The following PIGK variants were observed in gnomAD, a reference collection of about 807,000 sequenced individuals.
PIGK encodes the protein phosphatidylinositol glycan anchor biosynthesis class K.
A neutral mutation model predicts 50.6 loss-of-function variants in PIGK; 42 were observed. The ratio of observed to expected loss-of-function variants is 0.83; its 90% CI spans 0.65 to 1.07. The LOEUF (loss-of-function observed/expected upper bound fraction) is 1.07, where lower values mean the gene tolerates loss of function less well. Among genes scored for constraint, PIGK ranks in the 50% least tolerant of loss-of-function variants. The pLI is 0.00. For synonymous variants in PIGK, 151 were observed against 156.0 expected (o/e 0.97, Z 0.24); for missense variants, 448 against 488.7 (o/e 0.92, Z 0.78).
chr1:77,129,479 A>T, intron 9 of PIGK: 3 of 1,479,576 alleles, frequency 2.0e-6, no homozygotes, highest in Non-Finnish European at 2.8e-6. Context: ...TGAACAAAGC[A>T]CCTAAGATGC....
At chr1:77,150,111 T>C (rs565609481) in intron 9 of PIGK, among the ~76,000 whole-genome samples, 1 of 152,238 alleles carries the variant, frequency 6.6e-6, no homozygotes, top group South Asian at 2.1e-4. Flanking sequence ...GGAAAGTTTA[T>C]AGCAATAAAC....
At position 77,092,381 on chromosome 1, in the gene PIGK, A is replaced by G. The variant is rs1653320341; in HGVS notation, c.1181T>C (p.Ile394Thr). The change falls in exon 11 of 11, where the codon ATT becomes ACT. Residue 394 changes from isoleucine (I) to threonine (T), a missense_variant. Ile to Thr is a moderately conservative substitution (Grantham distance 89). Transcript: ENST00000370812. Reference protein sequence around the residue: ...KTYGIKHMKFIF With the variant: ...KTYGIKHMKFTF ...CTTCATTCATCATCAAGTCTAAAAA[A>G]TGAACTTCATATGCTTAATTCCATA... 1 of 1,489,074 alleles carries G rather than the reference A, an allele frequency of 6.7e-7. No homozygotes were observed. 92.2% of individuals were successfully genotyped at this position (1,489,074 alleles called of 1,614,324 possible).
intron 9 of PIGK, among the ~76,000 whole-genome samples, chr1:77,146,321 A>T (rs1454042385): frequency 1.3e-5 from 2 of 152,202 alleles, no homozygotes; most frequent in Non-Finnish European, 2.9e-5. Flanking sequence ...AAGAAAAAAT[A>T]AGTGGATTTC....
chr1:77,132,589 T>A (rs1654402139), intron 9 of PIGK, among the ~76,000 whole-genome samples: 3 of 151,646 alleles, frequency 2.0e-5, no homozygotes, highest in South Asian at 4.1e-4. Flanking sequence ...GATGGTGGGG[T>A]TTTTTGTCTG....
Position 77,198,865 on chromosome 1 carries a change from G to A in PIGK, c.239+7775C>T, listed in dbSNP as rs964316089. Among the ~76,000 whole-genome samples the A allele has an allele frequency of 3.3e-5, 5 of 151,994 alleles. No homozygotes were observed. In the East Asian group the frequency reaches 7.7e-4, roughly 23 times the overall value. On this transcript the variant is annotated intron_variant, in intron 3 of 10. Coordinates refer to ENST00000370812, the MANE Select transcript of PIGK (RefSeq NM_005482.3). ...GAATCCTAACAGGGATTAAGAACTT[G>A]ACAAACCAATTCCAAAATTAATATG...
In PIGK at chr1:77,116,562, C is replaced by CTGTGTGTG. The variant is rs763119489; in HGVS notation, c.1071+5705_1071+5712dup. On this transcript the variant is annotated intron_variant, in intron 10 of 10. Coordinates refer to ENST00000370812, the MANE Select transcript of PIGK (RefSeq NM_005482.3). ...CTAAACAAGCTGTTTAAATGTGTCTCTGTGTGTGTGTGTGTGTGTGTGTGT... is the reference window on the plus strand; with the variant it reads ...CTAAACAAGCTGTTTAAATGTGTCTCTGTGTGTGTGTGTGTGTGTGTGTGTGTGTGTGT... Among the ~76,000 whole-genome samples the CTGTGTGTG allele has an allele frequency of 3.8e-3, 511 of 135,076 alleles. 4 individuals are homozygous for CTGTGTGTG. The highest frequency in any genetic ancestry group is 0.014 in the African/African-American group (468 of 33,936). The allele number at this position is 135,076 out of a possible 152,430, so 88.6% of individuals were successfully genotyped here. A position where few individuals can be genotyped will look rare whatever the true frequency, so the allele number is the denominator to read the frequency against.
intron 9 of PIGK, among the ~76,000 whole-genome samples, chr1:77,140,380 C>G (rs1654623307): frequency 6.6e-6 from 1 of 151,868 alleles, no homozygotes; most frequent in African/African-American, 2.4e-5. Context: ...GTTCTCATTC[C>G]TATTCTCACC....
At position 77,154,415 on chromosome 1, in the gene PIGK, G is replaced by C. The variant is rs1553182833; in HGVS notation, c.986+34C>G. The C allele has an allele frequency of 3.4e-6, 5 of 1,482,418 alleles. No homozygotes were observed. The South Asian group carries it at 5.8e-5, about 17-fold the overall frequency. The allele number at this position is 1,482,418 out of a possible 1,614,324, so 91.8% of individuals were successfully genotyped here. ...AAAAAATGTACAAACTGTGAGACTA[G>C]TATTCTATTCAAATAATGGTTTAAG... is the stretch of plus-strand genomic sequence containing the variant. On this transcript the variant is annotated intron_variant, in intron 9 of 10. Transcript: ENST00000370812.
chr1:77,113,899 T>A (rs1292667012), intron 10 of PIGK, among the ~76,000 whole-genome samples: 1 of 152,130 alleles, frequency 6.6e-6, no homozygotes, highest in Non-Finnish European at 1.5e-5. Flanking sequence ...CATCTCTTCA[T>A]ATCTCTACAT....
chr1:77,195,413 T>G (rs767308945), intron 3 of PIGK: 372 of 1,071,024 alleles, frequency 3.5e-4, no homozygotes, highest in Non-Finnish European at 4.8e-4. Context: ...GAGCTTAGGG[T>G]GCTCACTTCC....
chr1:77,144,895 G>A (rs979075962), intron 9 of PIGK, among the ~76,000 whole-genome samples: 2 of 151,880 alleles, frequency 1.3e-5, no homozygotes, highest in Non-Finnish European at 2.9e-5. Flanking sequence ...ACAAACAGCT[G>A]TAAATAACAA....
chr1:77,193,512 C>T (rs1047369298), intron 3 of PIGK, among the ~76,000 whole-genome samples: 1 of 152,120 alleles, frequency 6.6e-6, no homozygotes, highest in South Asian at 2.1e-4. Flanking sequence ...TCTCCTCAGG[C>T]ATTCATCATT....
intron 8 of PIGK, among the ~76,000 whole-genome samples, chr1:77,158,325 TC>T (rs1655059594): frequency 2.8e-5 from 4 of 140,762 alleles, no homozygotes; most frequent in Admixed American, 2.8e-4. Context: ...CCTAAATCTC[TC>T]TTTTTTTTTT....
chr1:77,097,177 G>A (rs1000801776), intron 10 of PIGK, among the ~76,000 whole-genome samples: 1 of 152,022 alleles, frequency 6.6e-6, no homozygotes, highest in African/African-American at 2.4e-5. Context: ...ACAGCATGAC[G>A]GGCAGCAAAT....
intron 1 of PIGK, among the ~76,000 whole-genome samples, chr1:77,210,717 G>C (rs1238128212): frequency 1.3e-5 from 2 of 151,962 alleles, no homozygotes; most frequent in African/African-American, 2.4e-5. Context: ...TGGAGAACTG[G>C]GTTTCATTCT....
intron 3 of PIGK, among the ~76,000 whole-genome samples, chr1:77,177,569 A>C (rs1655516221): frequency 6.6e-6 from 1 of 151,830 alleles, no homozygotes. Flanking sequence ...AATGCTTATC[A>C]CTCCTTGCTC....
At chr1:77,118,885 G>A (rs1009907507) in intron 10 of PIGK, among the ~76,000 whole-genome samples, 4 of 152,176 alleles carry the variant, frequency 2.6e-5, no homozygotes, top group African/African-American at 9.7e-5. Context: ...TGGGGGTGTT[G>A]CTAAAGGAGA....
In PIGK at chr1:77,142,396, T is replaced by C. The variant is rs143373439; in HGVS notation, c.986+12053A>G. On this transcript the variant is annotated intron_variant, in intron 9 of 10. Transcript: ENST00000370812. ...GCATTGACAAAGTATGTTCATTTTATATACACTACCTTCAATCTTCAAAAT... is the reference window on the plus strand; with the variant it reads ...GCATTGACAAAGTATGTTCATTTTACATACACTACCTTCAATCTTCAAAAT... Among the ~76,000 whole-genome samples the C allele has an allele frequency of 2.7e-3, 417 of 152,328 alleles. 1 individual carries two copies. The highest frequency in any genetic ancestry group is 9.2e-3 in the African/African-American group (384 of 41,578).
At chr1:77,138,014 A>C (rs896779440) in intron 9 of PIGK, among the ~76,000 whole-genome samples, 2 of 152,196 alleles carry the variant, frequency 1.3e-5, no homozygotes, top group Non-Finnish European at 2.9e-5. Context: ...GTATTGTGGT[A>C]AGCAAAATTC....
Sources: gnomAD v4.1 joint callset for allele counts (sites outside exome capture counted in the v4.1 genomes callset) on GRCh38, gnomAD v4.1.1 for gene constraint, MANE v1.5 for transcripts, NCBI Gene and HGNC (gene_info 2026-07-23, HGNC 2026-07-21) for gene names.